Variants in PTPN14 observed in about 807,000 individuals in gnomAD.
PTPN14 encodes protein tyrosine phosphatase non-receptor type 14, also known as tyrosine-protein phosphatase non-receptor type 14.
PTPN14 carries 53 observed loss-of-function variants against 126.8 expected under a neutral mutation model. The observed-to-expected ratio is 0.42, with a 90% CI of 0.34 to 0.53. The LOEUF is 0.53. Among genes scored for constraint, PTPN14 ranks in the 20% least tolerant of loss-of-function variants. The pLI is 0.08. For synonymous variants in PTPN14, 630 were observed against 599.3 expected, an observed-to-expected ratio of 1.05 and a Z score of -0.75; for missense variants, 1,257 against 1,552.9, an observed-to-expected ratio of 0.81 and a Z score of 3.20.
intron 1 of PTPN14, among the ~76,000 whole-genome samples, chr1:214,497,229 G>A (rs1192618912): frequency 2.6e-5 from 4 of 152,090 alleles, no homozygotes; most frequent in South Asian, 4.2e-4. Context: ...CTCAATAATC[G>A]ATCAGAAACT....
Position 214,393,371 on chromosome 1 carries a change from G to C in PTPN14, c.929+324C>G, listed in dbSNP as rs1658801856. Among the ~76,000 whole-genome samples, 5 of 152,140 alleles carry C rather than the reference G, an allele frequency of 3.3e-5. 1 individual carries two copies. The highest frequency in any genetic ancestry group is 3.3e-4 in the Admixed American group (5 of 15,270). On this transcript the variant is annotated intron_variant, in intron 10 of 18. Coordinates refer to ENST00000366956, the MANE Select transcript of PTPN14 (RefSeq NM_005401.5). ...AACACACTCCACGTCTGACACGAAG[G>C]GGCACCCTGGCAAATTGGGAACTGC... is the stretch of plus-strand genomic sequence containing the variant.
At chr1:214,469,191 T>C (rs575751464) in intron 1 of PTPN14, among the ~76,000 whole-genome samples, 36 of 152,294 alleles carry the variant, frequency 2.4e-4, no homozygotes, top group East Asian at 1.2e-3. Context: ...GAAGATCTCT[T>C]AGTCCCTTTC....
In PTPN14 at chr1:214,481,275, G is replaced by T. The variant is rs553488939; in HGVS notation, c.-154-16318C>A. On this transcript the variant is annotated intron_variant, in intron 1 of 18. Transcript: ENST00000366956. The stretch of plus-strand genomic sequence containing the variant: ...AATCCCCAGCACTTTGGGAGGCCAA[G>T]GTGGGCAGATCATCTGAGGTCAGGA... 1.3e-4 allele frequency among the ~76,000 whole-genome samples: 20 copies of T among 152,214 alleles called. 1 individual carries two copies. The South Asian group carries it at 3.9e-3, about 30-fold the overall frequency.
chr1:214,422,715 A>G (rs1218169550), intron 3 of PTPN14, among the ~76,000 whole-genome samples: 1 of 152,210 alleles, frequency 6.6e-6, no homozygotes, highest in African/African-American at 2.4e-5. Context: ...TATTACTGAT[A>G]TGCCTGGTCT....
chr1:214,539,239 T>C (rs1470852747), intron 1 of PTPN14, among the ~76,000 whole-genome samples: 1 of 152,218 alleles, frequency 6.6e-6, no homozygotes, highest in Non-Finnish European at 1.5e-5. Context: ...TTACTATTAG[T>C]GCCCTTCCAT....
chr1:214,377,104 T>C (rs1658360324), intron 14 of PTPN14, among the ~76,000 whole-genome samples: 1 of 152,232 alleles, frequency 6.6e-6, no homozygotes, highest in Non-Finnish European at 1.5e-5. Context: ...TCAAAACCCA[T>C]GTTGTCACAA....
At chr1:214,487,360 T>G (rs1571615746) in intron 1 of PTPN14, among the ~76,000 whole-genome samples, 2 of 152,272 alleles carry the variant, frequency 1.3e-5, no homozygotes, top group South Asian at 4.1e-4. Context: ...GTGCGGTGGC[T>G]CATGCCTGTA....
intron 2 of PTPN14, among the ~76,000 whole-genome samples, chr1:214,459,789 T>G (rs887655313): frequency 6.6e-6 from 1 of 152,206 alleles, no homozygotes. Flanking sequence ...TTTCTACTAC[T>G]GAGTGCTACT....
At chr1:214,524,553 G>A (rs1264110221) in intron 1 of PTPN14, among the ~76,000 whole-genome samples, 1 of 152,104 alleles carries the variant, frequency 6.6e-6, no homozygotes, top group East Asian at 1.9e-4. Context: ...TCGGAAGGCT[G>A]AGGCAAGAGG....
At chr1:214,482,851 C>G (rs1216745066) in intron 1 of PTPN14, 4 of 1,603,682 alleles carry the variant, frequency 2.5e-6, no homozygotes, top group Non-Finnish European at 3.4e-6. Flanking sequence ...CTGATGTCAC[C>G]AATGTTAATA....
rs187967015 is a variant in PTPN14 at position 214,513,831 on chromosome 1, G to A, written c.-155+37352C>T. ...GATTAAATGAGATAATGTGTGCAAG[G>A]TGGGTAGCACAGTGCTTGGCAAAAG... On this transcript the variant is annotated intron_variant, in intron 1 of 18. Coordinates refer to ENST00000366956, the MANE Select transcript of PTPN14 (RefSeq NM_005401.5). Among the ~76,000 whole-genome samples the A allele has an allele frequency of 1.2e-3, 178 of 152,266 alleles. 3 individuals carry two copies. Among genetic ancestry groups the A allele is most frequent in the African/African-American group, 3.9e-3 (163 of 41,538 alleles).
intron 1 of PTPN14, among the ~76,000 whole-genome samples, chr1:214,486,554 T>C (rs550094725): frequency 6.6e-6 from 1 of 152,330 alleles, no homozygotes; most frequent in East Asian, 1.9e-4. Context: ...GAGAAATAGA[T>C]TCTTCGGAGT....
chr1:214,531,194 T>C (rs1044127763), intron 1 of PTPN14: 14 of 152,164 alleles, frequency 9.2e-5, no homozygotes, highest in Admixed American at 8.5e-4. Flanking sequence ...ATTAATACTC[T>C]TAATACTCAC....
chr1:214,368,740 T>C (rs1489048023), intron 17 of PTPN14, among the ~76,000 whole-genome samples: 2 of 152,042 alleles, frequency 1.3e-5, no homozygotes, highest in African/African-American at 2.4e-5. Context: ...CCCTGCAATT[T>C]GGGAGGCTGA....
chr1:214,442,243 A>T (rs1025280345), intron 3 of PTPN14, among the ~76,000 whole-genome samples: 1 of 152,170 alleles, frequency 6.6e-6, no homozygotes, highest in African/African-American at 2.4e-5. Flanking sequence ...AGATTTTGAA[A>T]TATTTGCTAT....
intron 1 of PTPN14, among the ~76,000 whole-genome samples, chr1:214,470,701 T>C (rs1274052332): frequency 2.0e-5 from 3 of 150,030 alleles, no homozygotes; most frequent in Non-Finnish European, 4.4e-5. Context: ...GGAGAGTCAC[T>C]TGAACTCAGG....
rs1444163422 is a variant in PTPN14 at position 214,418,625 on chromosome 1, C to T, written c.345-3899G>A. Among the ~76,000 whole-genome samples, 4 of 152,228 alleles carry T rather than the reference C, an allele frequency of 2.6e-5. No homozygotes were observed. In the East Asian group the frequency reaches 7.7e-4, roughly 29 times the overall value. On this transcript the variant is annotated intron_variant, in intron 3 of 18. Transcript: ENST00000366956. ...CCACTACCCGGTGATTTTTATGATGCTTCTAAAGAAGGGCTTCAATCACCA... is the reference window on the plus strand; with the variant it reads ...CCACTACCCGGTGATTTTTATGATGTTTCTAAAGAAGGGCTTCAATCACCA...
Position 214,364,805 on chromosome 1 carries a change from G to GTGTGTGTGTGTGTGTT in PTPN14, c.3272-131_3272-130insAACACACACACACACA, listed in dbSNP as rs1658043416. ...TGTGTGTGTGTGTGTGTGTGTGTGTGTTTTAAGTGACAATAATTTATAGTT... is the reference window on the plus strand; with the variant it reads ...TGTGTGTGTGTGTGTGTGTGTGTGTGTGTGTGTGTGTGTGTTTTTTAAGTGACAATAATTTATAGTT... On this transcript the variant is annotated intron_variant, in intron 17 of 18. Transcript: ENST00000366956. This position sits in a 1 kb window ranked among gnomAD's most constrained non-coding sequence, Gnocchi z 4.1. 1.2e-5 allele frequency: 10 copies of GTGTGTGTGTGTGTGTT among 830,316 alleles called. No homozygotes were observed. Among genetic ancestry groups the GTGTGTGTGTGTGTGTT allele is most frequent in the Non-Finnish European group, 1.4e-5 (8 of 556,514 alleles). 51.4% of individuals were successfully genotyped at this position (830,316 alleles called of 1,614,324 possible).
chr1:214,382,476 C>T (rs1658496876), intron 13 of PTPN14, among the ~76,000 whole-genome samples: 1 of 152,184 alleles, frequency 6.6e-6, no homozygotes, highest in African/African-American at 2.4e-5. Context: ...CTCCTGCCAT[C>T]ATGTCTGGCT....
Sources: allele counts gnomAD v4.1 joint callset (sites outside exome capture counted in the v4.1 genomes callset), GRCh38; gene constraint gnomAD v4.1.1; non-coding constraint Gnocchi (gnomAD v3.1); transcripts MANE v1.5; gene names NCBI Gene and HGNC (gene_info 2026-07-23, HGNC 2026-07-21).